The following TNS3 variants were observed in gnomAD, a reference collection of about 807,000 sequenced individuals.
The protein encoded by TNS3 is tensin 3.
A neutral mutation model predicts 140.9 loss-of-function variants in TNS3; 45 were observed. The observed-to-expected ratio is 0.32, with a 90% CI of 0.25 to 0.41. The LOEUF (loss-of-function observed/expected upper bound fraction) is 0.41. Ranked by LOEUF, TNS3 falls within the 10% of genes least tolerant of loss-of-function variation. The pLI, the probability that TNS3 is intolerant of heterozygous loss-of-function variation, is 1.00. For synonymous variants in TNS3, 815 were observed against 788.4 expected (o/e 1.03, Z -0.56); for missense variants, 1,716 against 1,906.7 (o/e 0.90, Z 1.86).
At chr7:47,509,287 A>G (rs572768994) in intron 2 of TNS3, among the ~76,000 whole-genome samples, 1 of 152,352 alleles carries the variant, frequency 6.6e-6, no homozygotes, top group South Asian at 2.1e-4. Context: ...CCTGAGAGGC[A>G]GGGCCATTGT....
chr7:47,380,300 G>T (rs1791674389), intron 16 of TNS3, among the ~76,000 whole-genome samples: 4 of 152,256 alleles, frequency 2.6e-5, no homozygotes, highest in African/African-American at 9.6e-5. Context: ...CTCTGACTGG[G>T]CAGCTCAGTT....
rs148670477 is a variant in TNS3, at chr7:47,306,057, G to C, written c.2651-1054C>G. ...TTATTTTAATTATACTGAAAAAAAGGCTACCTTCTTTACCCTTCAAATGAA... is the reference window on the plus strand; with the variant it reads ...TTATTTTAATTATACTGAAAAAAAGCCTACCTTCTTTACCCTTCAAATGAA... On this transcript the variant is annotated intron_variant, in intron 20 of 30. Transcript: ENST00000311160. Among the ~76,000 whole-genome samples, 829 of 152,086 alleles carry C rather than the reference G, an allele frequency of 5.5e-3. 8 individuals are homozygous for C. Among genetic ancestry groups the C allele is most frequent in the African/African-American group, 0.019 (785 of 41,470 alleles).
chr7:47,391,938 A>C (rs1792544114), intron 16 of TNS3, among the ~76,000 whole-genome samples: 1 of 151,980 alleles, frequency 6.6e-6, no homozygotes, highest in Admixed American at 6.6e-5. Context: ...CACAAGACAC[A>C]CTCTGAGCCA....
intron 17 of TNS3, among the ~76,000 whole-genome samples, chr7:47,362,530 T>C (rs1790392134): frequency 6.6e-6 from 1 of 152,172 alleles, no homozygotes; most frequent in South Asian, 2.1e-4. Context: ...TAATGAGCAC[T>C]TCCCTCAACA....
At chr7:47,292,073 C>G in intron 26 of TNS3, 41 bp from the exon 27 acceptor site, 2 of 1,592,754 alleles carry the variant, frequency 1.3e-6, no homozygotes, top group East Asian at 2.2e-5. Flanking sequence ...GAGTCCTGCT[C>G]CTGACCAAGA....
chr7:47,535,316 G>A (rs1470430834), intron 1 of TNS3, among the ~76,000 whole-genome samples: 1 of 152,208 alleles, frequency 6.6e-6, no homozygotes, highest in Non-Finnish European at 1.5e-5. Context: ...CAGCTTTCTT[G>A]CCCACTGGTC....
At chr7:47,510,586 T>C (rs1283420709) in intron 2 of TNS3, among the ~76,000 whole-genome samples, 1 of 152,168 alleles carries the variant, frequency 6.6e-6, no homozygotes, top group African/African-American at 2.4e-5. Flanking sequence ...AAAAGACTAG[T>C]ACCCAGGCCA....
chr7:47,568,282 T>A (rs915410212), intron 1 of TNS3, among the ~76,000 whole-genome samples: 8 of 152,280 alleles, frequency 5.3e-5, no homozygotes, highest in Admixed American at 3.9e-4. Flanking sequence ...ATCGTCTTCC[T>A]TCACCTTCGA....
At chr7:47,281,756 C>T (rs1785156201) in intron 28 of TNS3, among the ~76,000 whole-genome samples, 1 of 152,178 alleles carries the variant, frequency 6.6e-6, no homozygotes, top group Non-Finnish European at 1.5e-5. Context: ...CTGACAAGGG[C>T]ACATAGAACA....
chr7:47,545,094 G>A (rs1222201124), intron 1 of TNS3, among the ~76,000 whole-genome samples: 1 of 151,456 alleles, frequency 6.6e-6, no homozygotes, highest in Non-Finnish European at 1.5e-5. Context: ...GTTGTGCCTG[G>A]CCTTTTAAAC....
rs145631334 is a variant in TNS3 at position 47,322,414 on chromosome 7, C to A, written c.2651-17411G>T. ...GTTCATGCCTGTAATCCCAGCTACT[C>A]AGGAGGATGAAGCAGGAGAATCGCT... On this transcript the variant is annotated intron_variant, in intron 20 of 30. Transcript: ENST00000311160. Among the ~76,000 whole-genome samples the A allele has an allele frequency of 3.9e-3, 594 of 151,986 alleles. 3 individuals carry two copies. Among genetic ancestry groups the A allele is most frequent in the African/African-American group, 0.013 (540 of 41,448 alleles).
At chr7:47,560,950 A>AT (rs1454125637) in intron 1 of TNS3, among the ~76,000 whole-genome samples, 1 of 152,178 alleles carries the variant, frequency 6.6e-6, no homozygotes, top group Non-Finnish European at 1.5e-5. Flanking sequence ...CTGGCCTCTG[A>AT]TGTCAGGTCA....
intron 1 of TNS3, among the ~76,000 whole-genome samples, chr7:47,566,734 G>A (rs1425246426): frequency 6.6e-6 from 1 of 152,120 alleles, no homozygotes; most frequent in Non-Finnish European, 1.5e-5. Context: ...GCCAACAGCA[G>A]GACAAAAAGA....
chr7:47,504,153 G>C (rs149718592), intron 3 of TNS3, among the ~76,000 whole-genome samples: 1 of 152,296 alleles, frequency 6.6e-6, no homozygotes, highest in African/African-American at 2.4e-5. Context: ...GCATGGCCTG[G>C]CCTGAGAGGA....
Position 47,315,244 on chromosome 7 carries a change from G to A in TNS3, c.2651-10241C>T, listed in dbSNP as rs144081470. Among the ~76,000 whole-genome samples the A allele has an allele frequency of 4.1e-3, 629 of 152,286 alleles. 2 individuals are homozygous for A. Among genetic ancestry groups the A allele is most frequent in the African/African-American group, 0.014 (586 of 41,564 alleles). The stretch of plus-strand genomic sequence containing the variant: ...GACCCAGAGCAGGAGGCATAATACC[G>A]TTAGTGTGTGGAAACAACACTCATC... On this transcript the variant is annotated intron_variant, in intron 20 of 30. Transcript: ENST00000311160.
chr7:47,340,316 T>C (rs1426464015), intron 20 of TNS3, among the ~76,000 whole-genome samples: 1 of 150,210 alleles, frequency 6.7e-6, no homozygotes, highest in East Asian at 2.0e-4. Flanking sequence ...ACAGACAGAG[T>C]TTCACCATGT....
chr7:47,582,353 T>A, upstream of TNS3: 1 of 450,378 alleles, frequency 2.2e-6, no homozygotes, highest in Non-Finnish European at 4.5e-6. Flanking sequence ...CCTGGAATTA[T>A]CAGACCCATT....
chr7:47,303,533 A>G lies in TNS3; in HGVS notation c.2874T>C (p.Val958=). Residue 958 remains valine, a synonymous_variant, in exon 22 of 31, where the codon GTT becomes GTC. Transcript: ENST00000311160. The stretch of plus-strand genomic sequence containing the variant: ...TGGGCCGGCCGCTCCCCAGCAGGGA[A>G]ACCATGGGCTTGGGGCTGCTCTCCA... ...QWVESSPKPM[V]SLLGSGRPTG... 1 of 1,605,822 alleles carries G rather than the reference A, an allele frequency of 6.2e-7. No individual in the cohort carries two copies. Among genetic ancestry groups the G allele is most frequent in the African/African-American group, 1.3e-5 (1 of 75,020 alleles).
intron 3 of TNS3, among the ~76,000 whole-genome samples, chr7:47,501,248 T>C (rs1262947956): frequency 6.6e-6 from 1 of 151,802 alleles, no homozygotes; most frequent in Non-Finnish European, 1.5e-5. Flanking sequence ...AAGAATTTAT[T>C]AGGCCTTGTT....
Sources: allele counts gnomAD v4.1 joint callset (sites outside exome capture counted in the v4.1 genomes callset), GRCh38; gene constraint gnomAD v4.1.1; transcripts MANE v1.5; gene names NCBI Gene and HGNC (gene_info 2026-07-23, HGNC 2026-07-21).